PTGER3: variants seen among roughly 807,000 people sequenced by gnomAD.
PTGER3 encodes prostaglandin E2 receptor EP3 subtype.
In PTGER3, 22 loss-of-function variants were observed where a neutral mutation model predicts 34.7. The ratio of observed to expected loss-of-function variants is 0.63; its 90% CI spans 0.45 to 0.91. The LOEUF (loss-of-function observed/expected upper bound fraction) is 0.91. Ranked by LOEUF, PTGER3 falls within the 40% of genes least tolerant of loss-of-function variation. The pLI is 0.00. For missense variants in PTGER3, 468 were observed against 519.4 expected (o/e 0.90, Z 0.96); for synonymous variants, 241 against 230.1 (o/e 1.05, Z -0.43).
chr1:70,853,369 G>C (rs1417227619), intron 4 of PTGER3, among the ~76,000 whole-genome samples: 1 of 152,136 alleles, frequency 6.6e-6, no homozygotes, highest in Non-Finnish European at 1.5e-5. Flanking sequence ...GCATTCTATA[G>C]AACAACTAAA....
intron 4 of PTGER3, chr1:70,884,094 A>G (rs780737080): frequency 1.4e-4 from 55 of 399,212 alleles, no homozygotes; most frequent in Admixed American, 7.6e-4. Flanking sequence ...CTCAAAACAA[A>G]CAAACAAACA....
intron 2 of PTGER3, among the ~76,000 whole-genome samples, chr1:70,954,563 G>A (rs1651118569): frequency 6.6e-6 from 1 of 152,170 alleles, no homozygotes; most frequent in Non-Finnish European, 1.5e-5. Flanking sequence ...TGATGGAACT[G>A]AAGCTTAAAG....
chr1:71,014,606 T>C (rs992839153), intron 1 of PTGER3, among the ~76,000 whole-genome samples: 1 of 152,074 alleles, frequency 6.6e-6, no homozygotes, highest in African/African-American at 2.4e-5. Flanking sequence ...ATTATCCTTA[T>C]AAGAAGAGGG....
At chr1:71,017,719 T>C (rs1413479958) in intron 1 of PTGER3, among the ~76,000 whole-genome samples, 5 of 152,210 alleles carry the variant, frequency 3.3e-5, no homozygotes, top group Admixed American at 6.5e-5. Flanking sequence ...CCTTCCACCA[T>C]GATCACAAGT....
At chr1:70,979,311 A>G (rs1654021318) in intron 2 of PTGER3, among the ~76,000 whole-genome samples, 1 of 152,102 alleles carries the variant, frequency 6.6e-6, no homozygotes, top group Non-Finnish European at 1.5e-5. Context: ...GGTGAAAAAA[A>G]AAAAAGCTGA....
chr1:71,019,999 A>G (rs940807115), intron 1 of PTGER3, among the ~76,000 whole-genome samples: 1 of 152,212 alleles, frequency 6.6e-6, no homozygotes, highest in African/African-American at 2.4e-5. Context: ...GCTCTACTGG[A>G]AATTCCCCCC....
At chr1:70,886,856 A>G (rs1646509095) in intron 4 of PTGER3, among the ~76,000 whole-genome samples, 1 of 152,168 alleles carries the variant, frequency 6.6e-6, no homozygotes, top group Non-Finnish European at 1.5e-5. Flanking sequence ...CTTTTGGTAT[A>G]TGGCAGAGCT....
chr1:70,973,210 AGATAGATAGAT>A (rs1490759862), intron 3 of PTGER3, among the ~76,000 whole-genome samples: 16 of 131,574 alleles, frequency 1.2e-4, no homozygotes, highest in Admixed American at 4.8e-4. Flanking sequence ...GATGATAGAT[AGATAGATAGAT>A]GATAGATAGA....
chr1:70,973,033 G>GAGTTGGAAACA (rs1653254049), intron 3 of PTGER3, among the ~76,000 whole-genome samples: 1 of 151,164 alleles, frequency 6.6e-6, no homozygotes, highest in Admixed American at 6.6e-5. Flanking sequence ...TACCAAAAAA[G>GAGTTGGAAACA]AGATGGAAAC....
intron 4 of PTGER3, among the ~76,000 whole-genome samples, chr1:70,853,958 T>A (rs963207845): frequency 2.0e-5 from 3 of 152,238 alleles, no homozygotes; most frequent in African/African-American, 7.2e-5. Flanking sequence ...CTTTACACAA[T>A]ATACAAAAAT....
At position 71,047,388 on chromosome 1, in the gene PTGER3, C is replaced by A. The variant is rs912860591; in HGVS notation, c.190G>T (p.Val64Leu). Reference sequence around the variant, plus strand: ...AGCAGCATGGCCAGTGCGTTGCCCACGAAACCAGTGAGCAGCATGGTGATC... The same window carrying A: ...AGCAGCATGGCCAGTGCGTTGCCCAAGAAACCAGTGAGCAGCATGGTGATC... The part of the protein sequence containing the change: ...FPITMLLTGF[V>L]GNALAMLLVS... Residue 64 changes from valine (V) to leucine (L), a missense_variant, in exon 1 of 4, where the codon GTG becomes TTG. Coordinates refer to ENST00000306666, the MANE Select transcript of PTGER3 (RefSeq NM_198719.2). The A allele has an allele frequency of 6.2e-7, 1 of 1,611,612 alleles. No homozygotes were observed. Among genetic ancestry groups the A allele is most frequent in the Admixed American group, 1.7e-5 (1 of 59,874 alleles).
chr1:70,966,988 G>A (rs1169515053), downstream of PTGER3, among the ~76,000 whole-genome samples: 1 of 151,956 alleles, frequency 6.6e-6, no homozygotes, highest in African/African-American at 2.4e-5. Context: ...TGGGTCAAAT[G>A]GTATTTCTGG....
intron 1 of PTGER3, among the ~76,000 whole-genome samples, chr1:71,038,583 A>G (rs1171574931): frequency 6.6e-6 from 1 of 152,220 alleles, no homozygotes; most frequent in Non-Finnish European, 1.5e-5. Context: ...CACTAAAATA[A>G]TATTTGGATT....
At chr1:70,863,611 C>T (rs1572485564) in intron 4 of PTGER3, among the ~76,000 whole-genome samples, 2 of 152,090 alleles carry the variant, frequency 1.3e-5, no homozygotes, top group African/African-American at 4.8e-5. Flanking sequence ...TTACATCTTG[C>T]TTGTTTGTCT....
At chr1:70,863,537 T>C (rs147409482) in intron 4 of PTGER3, among the ~76,000 whole-genome samples, 1 of 152,252 alleles carries the variant, frequency 6.6e-6, no homozygotes, top group East Asian at 1.9e-4. Context: ...TTAAAGCTAT[T>C]TAGGACAATG....
At chr1:71,007,871 C>T (rs1351399700) in intron 2 of PTGER3, 1 of 985,232 alleles carries the variant, frequency 1.0e-6, no homozygotes, top group Non-Finnish European at 1.2e-6. Context: ...ATGATAATAA[C>T]TTGAGAAGTG....
chr1:70,919,668 T>C (rs1435554852), intron 4 of PTGER3, among the ~76,000 whole-genome samples: 7 of 152,134 alleles, frequency 4.6e-5, no homozygotes, highest in Admixed American at 4.6e-4. Flanking sequence ...AAGAAAAATC[T>C]CTTTTTCACT....
chr1:70,946,318 C>G (rs1411224601), intron 4 of PTGER3, among the ~76,000 whole-genome samples: 1 of 152,082 alleles, frequency 6.6e-6, no homozygotes, highest in African/African-American at 2.4e-5. Flanking sequence ...AACTTGAGCA[C>G]TATCTCACTC....
At chr1:70,943,865 A>C (rs1649982056) in intron 4 of PTGER3, among the ~76,000 whole-genome samples, 1 of 151,684 alleles carries the variant, frequency 6.6e-6, no homozygotes, top group Admixed American at 6.6e-5. Context: ...AGAGAGAGAG[A>C]GAGAGAGAGA....
Sources: gnomAD v4.1 joint callset for allele counts (sites outside exome capture counted in the v4.1 genomes callset) on GRCh38, gnomAD v4.1.1 for gene constraint, MANE v1.5 for transcripts, NCBI Gene and HGNC (gene_info 2026-07-23, HGNC 2026-07-21) for gene names.